Variants in EFR3B observed in about 807,000 individuals in gnomAD.
EFR3B encodes the protein EFR3 homolog B.
A neutral mutation model predicts 104.7 loss-of-function variants in EFR3B; 64 were observed. The ratio of observed to expected loss-of-function variants is 0.61; its 90% CI spans 0.50 to 0.75. EFR3B has a LOEUF of 0.75. Among genes scored for constraint, EFR3B ranks in the 30% least tolerant of loss-of-function variants. The pLI, the probability that EFR3B is intolerant of heterozygous loss-of-function variation, is 0.00. For missense variants in EFR3B, 750 were observed against 1,078.5 expected (o/e 0.70, Z 4.27); for synonymous variants, 385 against 417.9 (o/e 0.92, Z 0.96).
In EFR3B at chr2:25,114,644, C is replaced by T. The variant is rs184015258; in HGVS notation, c.364-7029C>T. ...TGCTCCAGAGATGGAGCCATGCTAC[C>T]CTTGGTTCAAGCCCAAACCACCCCA... On this transcript the variant is annotated intron_variant, in intron 4 of 22. Coordinates refer to ENST00000403714, the MANE Select transcript of EFR3B (RefSeq NM_014971.2). This position sits in a 1 kb window ranked among gnomAD's most constrained non-coding sequence, Gnocchi z 4.0. 7.2e-5 allele frequency among the ~76,000 whole-genome samples: 11 copies of T among 152,302 alleles called. No homozygotes were observed. In the East Asian group the frequency reaches 1.9e-3, roughly 27 times the overall value.
chr2:25,131,051 T>C lies in EFR3B; in HGVS notation c.850-317T>C, dbSNP rs1398082046. Among the ~76,000 whole-genome samples, 1 of 152,074 alleles carries C rather than the reference T, an allele frequency of 6.6e-6. No individual in the cohort carries two copies. The highest frequency in any genetic ancestry group is 1.9e-4 in the East Asian group (1 of 5,190). On this transcript the variant is annotated intron_variant, in intron 8 of 22. Coordinates refer to ENST00000403714, the MANE Select transcript of EFR3B (RefSeq NM_014971.2). This position sits in a 1 kb window ranked among gnomAD's most constrained non-coding sequence, Gnocchi z 7.6. ...TTAGGCAGCACTGGACTAAGCCATG[T>C]GGCCTCCCGTGGCTCTTGCCGGAAA...
intron 15 of EFR3B, among the ~76,000 whole-genome samples, chr2:25,138,178 T>TAAAAAATTAAAAATTAAAAATTAAAATTA (rs1670570830): frequency 6.6e-6 from 1 of 152,140 alleles, no homozygotes; most frequent in African/African-American, 2.4e-5. Flanking sequence ...TCTAAAAATT[T>TAAAAAATTAAAAATTAAAAATTAAAATTA]AAAAAATTAA....
At chr2:25,046,486 C>G (rs1218739388) in intron 1 of EFR3B, among the ~76,000 whole-genome samples, 1 of 150,368 alleles carries the variant, frequency 6.7e-6, no homozygotes, top group Non-Finnish European at 1.5e-5. Flanking sequence ...GCAAGGCAGG[C>G]TCCCCCTGAA....
At chr2:25,119,086 CT>C (rs1308807873) in intron 4 of EFR3B, among the ~76,000 whole-genome samples, 2 of 152,042 alleles carry the variant, frequency 1.3e-5, no homozygotes, top group Non-Finnish European at 2.9e-5. Context: ...TTCATCATTT[CT>C]TTTATTAAAA....
rs540519724 is a variant in EFR3B at position 25,073,355 on chromosome 2, T to C, written c.8-17970T>C. Among the ~76,000 whole-genome samples, 6 of 141,722 alleles carry C rather than the reference T, an allele frequency of 4.2e-5. No individual in the cohort carries two copies. The South Asian group carries it at 1.4e-3, about 33-fold the overall frequency. The allele number at this position is 141,722 out of a possible 152,430, so 93.0% of individuals were successfully genotyped here. On this transcript the variant is annotated intron_variant, in intron 1 of 22. Coordinates refer to ENST00000403714, the MANE Select transcript of EFR3B (RefSeq NM_014971.2). ...AACTGTGTATATTATTTAAGCTATT[T>C]AATACTTTTTTTTTTTTTTTTAGAC...
intron 1 of EFR3B, among the ~76,000 whole-genome samples, chr2:25,070,428 A>G (rs538781281): frequency 6.6e-6 from 1 of 152,104 alleles, no homozygotes; most frequent in African/African-American, 2.4e-5. Flanking sequence ...CGCCCGGCTA[A>G]TATTTACATT....
chr2:25,155,503 G>A lies in EFR3B; in HGVS notation c.*1163G>A, dbSNP rs7589318. ...TGGGTTCCTGTTTTCCTGGTGTGCCGTCTGTGTCTCTGTGTAATGAGGATG... is the reference window on the plus strand; with the variant it reads ...TGGGTTCCTGTTTTCCTGGTGTGCCATCTGTGTCTCTGTGTAATGAGGATG... On this transcript the variant is annotated 3_prime_UTR_variant, in exon 23 of 23. Coordinates refer to ENST00000403714, the MANE Select transcript of EFR3B (RefSeq NM_014971.2). 0.23 allele frequency: 35,269 copies of A among 152,082 alleles called. 4,643 individuals carry two copies. Among genetic ancestry groups the A allele is most frequent in the Non-Finnish European group, 0.32 (21,463 of 67,976 alleles). 9.4% of individuals were successfully genotyped at this position (152,082 alleles called of 1,614,324 possible). A position where few individuals can be genotyped will look rare whatever the true frequency, so the allele number is the denominator to read the frequency against.
intron 4 of EFR3B, among the ~76,000 whole-genome samples, chr2:25,104,438 T>G (rs1669508599): frequency 6.6e-6 from 1 of 152,208 alleles, no homozygotes; most frequent in South Asian, 2.1e-4. Flanking sequence ...TAACACCATC[T>G]AATGTGTTTA....
chr2:25,137,709 T>G lies in EFR3B; in HGVS notation c.1722+207T>G, dbSNP rs1670556376. On this transcript the variant is annotated intron_variant, in intron 15 of 22. Coordinates refer to ENST00000403714, the MANE Select transcript of EFR3B (RefSeq NM_014971.2). This position sits in a 1 kb window ranked among gnomAD's most constrained non-coding sequence, Gnocchi z 4.7. ...CCAAAGAATGCTTCATTCATGGTCTTGGCCCGTCCTTAAGCTAAAGAAGAC... is the reference window on the plus strand; with the variant it reads ...CCAAAGAATGCTTCATTCATGGTCTGGGCCCGTCCTTAAGCTAAAGAAGAC... 6.6e-6 allele frequency among the ~76,000 whole-genome samples: 1 copy of G among 152,210 alleles called. No individual in the cohort carries two copies. The highest frequency in any genetic ancestry group is 1.5e-5 in the Non-Finnish European group (1 of 68,032).
intron 4 of EFR3B, among the ~76,000 whole-genome samples, chr2:25,104,974 CT>C (rs1315743712): frequency 2.0e-5 from 3 of 152,176 alleles, no homozygotes; most frequent in African/African-American, 7.2e-5. Context: ...CCCTGGTTGT[CT>C]TTAATATCTT....
intron 3 of EFR3B, among the ~76,000 whole-genome samples, chr2:25,095,612 C>A (rs1669254344): frequency 6.6e-6 from 1 of 152,096 alleles, no homozygotes; most frequent in African/African-American, 2.4e-5. Flanking sequence ...GGGGTAATCG[C>A]TTGAACCCAG....
rs1669725607 is a variant in EFR3B, at chr2:25,111,522, GC to G, written c.363+7740del. 3.9e-5 allele frequency among the ~76,000 whole-genome samples: 6 copies of G among 152,262 alleles called. No homozygotes were observed. The South Asian group carries it at 1.2e-3, about 32-fold the overall frequency. The stretch of plus-strand genomic sequence containing the variant: ...TAGTTTCTGTGGTAGGCTGAATGAT[GC>G]CCCCATCCCACGGTTGCCTATGTCC... On this transcript the variant is annotated intron_variant, in intron 4 of 22. Transcript: ENST00000403714.
intron 1 of EFR3B, among the ~76,000 whole-genome samples, chr2:25,048,816 C>G (rs185805543): frequency 2.7e-4 from 41 of 152,354 alleles, no homozygotes; most frequent in Admixed American, 1.3e-3. Flanking sequence ...CCAGTCTCCA[C>G]GTCTTGGTGG....
chr2:25,108,539 C>A (rs1373332048), intron 4 of EFR3B, among the ~76,000 whole-genome samples: 1 of 152,072 alleles, frequency 6.6e-6, no homozygotes, highest in African/African-American at 2.4e-5. Flanking sequence ...AAAATTAACT[C>A]AAAATAGATC....
Position 25,132,075 on chromosome 2 carries a change from G to A in EFR3B, c.1147+164G>A, listed in dbSNP as rs1670359636. Among the ~76,000 whole-genome samples the A allele has an allele frequency of 2.0e-5, 3 of 152,038 alleles. No individual in the cohort carries two copies. The South Asian group carries it at 6.2e-4, about 32-fold the overall frequency. On this transcript the variant is annotated intron_variant, in intron 10 of 22. Coordinates refer to ENST00000403714, the MANE Select transcript of EFR3B (RefSeq NM_014971.2). ...TGGAAAGGGGCGGGGCACCGGGGGC[G>A]GCCCGGGGATGGGGGTTGGAGAGGG...
At chr2:25,046,099 G>T (rs1478284558) in intron 1 of EFR3B, among the ~76,000 whole-genome samples, 1 of 152,132 alleles carries the variant, frequency 6.6e-6, no homozygotes, top group African/African-American at 2.4e-5. Context: ...TTGAAAATGT[G>T]CTTGGGCTGG....
chr2:25,097,945 C>A (rs1476044838), intron 3 of EFR3B, among the ~76,000 whole-genome samples: 3 of 152,234 alleles, frequency 2.0e-5, no homozygotes, highest in African/African-American at 7.2e-5. Flanking sequence ...CAAGCCCTGG[C>A]GGATGGAGAT....
chr2:25,077,438 C>A (rs1420014416), intron 1 of EFR3B, among the ~76,000 whole-genome samples: 1 of 152,188 alleles, frequency 6.6e-6, no homozygotes, highest in East Asian at 1.9e-4. Flanking sequence ...TAGGCACCCG[C>A]CACCACACCT....
rs769178429 is a variant in EFR3B, at chr2:25,114,907, C to T, written c.364-6766C>T. Among the ~76,000 whole-genome samples, 7 of 152,170 alleles carry T rather than the reference C, an allele frequency of 4.6e-5. No homozygotes were observed. Among genetic ancestry groups the T allele is most frequent in the Non-Finnish European group, 7.3e-5 (5 of 68,042 alleles). On this transcript the variant is annotated intron_variant, in intron 4 of 22. Transcript: ENST00000403714. This position sits in a 1 kb window ranked among gnomAD's most constrained non-coding sequence, Gnocchi z 4.0. Reference sequence around the variant, plus strand: ...GCACTTAAGGATGCAGGTACCTGGCCGGGCGCAGTGGCTGACGCCTGTAAT... The same window carrying T: ...GCACTTAAGGATGCAGGTACCTGGCTGGGCGCAGTGGCTGACGCCTGTAAT...
Sources: allele counts gnomAD v4.1 joint callset (sites outside exome capture counted in the v4.1 genomes callset), GRCh38; gene constraint gnomAD v4.1.1; non-coding constraint Gnocchi (gnomAD v3.1); transcripts MANE v1.5; gene names NCBI Gene and HGNC (gene_info 2026-07-23, HGNC 2026-07-21).